The following NCKAP5 variants were observed in gnomAD, a reference collection of about 807,000 sequenced individuals.
The protein encoded by NCKAP5 is NCK associated protein 5.
A neutral mutation model predicts 167.0 loss-of-function variants in NCKAP5; 92 were observed. The observed-to-expected ratio is 0.55, with a 90% CI of 0.47 to 0.66. The LOEUF (loss-of-function observed/expected upper bound fraction) is 0.66, where lower values mean the gene tolerates loss of function less well. Ranked by LOEUF, NCKAP5 falls within the 30% of genes least tolerant of loss-of-function variation. The pLI is 0.00. For missense variants in NCKAP5, 2,378 were observed against 2,315.0 expected (o/e 1.03, Z -0.56); for synonymous variants, 891 against 877.4 (o/e 1.02, Z -0.27).
intron 8 of NCKAP5, among the ~76,000 whole-genome samples, chr2:132,888,627 G>A (rs555785229): frequency 1.2e-3 from 184 of 152,234 alleles, no homozygotes; most frequent in South Asian, 2.7e-3. Flanking sequence ...CTGACCTCAA[G>A]TGATCCACCC....
intron 6 of NCKAP5, among the ~76,000 whole-genome samples, chr2:133,100,857 G>A (rs890180249): frequency 6.6e-6 from 1 of 152,018 alleles, no homozygotes; most frequent in African/African-American, 2.4e-5. Context: ...TTTTGTTGAC[G>A]TTTGTATTCT....
chr2:132,765,504 G>A (rs1431023581), intron 16 of NCKAP5, among the ~76,000 whole-genome samples: 1 of 151,814 alleles, frequency 6.6e-6, no homozygotes, highest in African/African-American at 2.4e-5. Context: ...TGGTAGAGAT[G>A]GGGTTTCATC....
intron 4 of NCKAP5, among the ~76,000 whole-genome samples, chr2:133,264,506 C>CG (rs1235859654): frequency 1.3e-5 from 2 of 152,172 alleles, no homozygotes; most frequent in Non-Finnish European, 2.9e-5. Context: ...TTCCCACCCC[C>CG]GGGGGCCTAC....
upstream of NCKAP5, among the ~76,000 whole-genome samples, chr2:133,568,750 T>C (rs1033579145): frequency 2.6e-5 from 4 of 152,170 alleles, no homozygotes; most frequent in East Asian, 3.9e-4. Context: ...GAGGAAAAGT[T>C]TGAAGTGCCA....
intron 8 of NCKAP5, among the ~76,000 whole-genome samples, chr2:132,951,487 G>A (rs971633477): frequency 1.3e-5 from 2 of 152,006 alleles, no homozygotes; most frequent in Non-Finnish European, 1.5e-5. Context: ...GTCCTTTATC[G>A]GACTTGGGTC....
Position 133,482,495 on chromosome 2 carries a change from G to A in NCKAP5, c.69+34963C>T, listed in dbSNP as rs144001132. On this transcript the variant is annotated intron_variant, in intron 3 of 19. Coordinates refer to ENST00000409261, the MANE Select transcript of NCKAP5 (RefSeq NM_207363.3). ...GGCCTCCCAGTGTCCTAGGATTACA[G>A]GTATGAGCCATTCATCTGGCCCCAA... 1.7e-3 allele frequency among the ~76,000 whole-genome samples: 257 copies of A among 152,224 alleles called. 4 individuals are homozygous for A. The highest frequency in any genetic ancestry group is 6.0e-3 in the African/African-American group (248 of 41,536).
At chr2:133,114,558 A>G (rs1055317477) in intron 6 of NCKAP5, among the ~76,000 whole-genome samples, 1 of 152,192 alleles carries the variant, frequency 6.6e-6, no homozygotes, top group African/African-American at 2.4e-5. Context: ...AAATATTCCA[A>G]CCATATCTTC....
At chr2:133,067,102 T>C (rs1371787140) in intron 6 of NCKAP5, among the ~76,000 whole-genome samples, 1 of 152,168 alleles carries the variant, frequency 6.6e-6, no homozygotes, top group Non-Finnish European at 1.5e-5. Flanking sequence ...CCTGACTTCA[T>C]GATCCTCCCG....
intron 8 of NCKAP5, among the ~76,000 whole-genome samples, chr2:132,901,910 G>A (rs1225961467): frequency 6.6e-6 from 1 of 152,150 alleles, no homozygotes; most frequent in Non-Finnish European, 1.5e-5. Flanking sequence ...GTGTTTGAGG[G>A]CACAGATAAG....
intron 6 of NCKAP5, among the ~76,000 whole-genome samples, chr2:133,046,353 C>A (rs2079398504): frequency 6.6e-6 from 1 of 151,952 alleles, no homozygotes; most frequent in Admixed American, 6.6e-5. Flanking sequence ...AAAGGAGAGT[C>A]CCTCCAATTC....
At chr2:133,393,193 T>A (rs534573011) in intron 3 of NCKAP5, among the ~76,000 whole-genome samples, 58 of 152,338 alleles carry the variant, frequency 3.8e-4, no homozygotes, top group African/African-American at 1.3e-3. Flanking sequence ...TATGCTTATT[T>A]TATCAGAGAT....
the NCKAP5 span, among the ~76,000 whole-genome samples, chr2:133,619,426 C>T: frequency 0.5 from 75,195 of 151,566 alleles, 20,645 homozygotes; most frequent in Middle Eastern, 0.72. Context: ...CAAGGATACA[C>T]TTAGATAAAT....
chr2:133,054,065 G>C (rs890723391), intron 6 of NCKAP5, among the ~76,000 whole-genome samples: 3 of 152,136 alleles, frequency 2.0e-5, no homozygotes, highest in Non-Finnish European at 1.5e-5. Flanking sequence ...TCAGTATCAA[G>C]GAAGATGGCA....
chr2:132,705,048 A>G (rs1371241442), intron 19 of NCKAP5, among the ~76,000 whole-genome samples: 1 of 152,150 alleles, frequency 6.6e-6, no homozygotes, highest in Non-Finnish European at 1.5e-5. Flanking sequence ...ATCTCTCAGG[A>G]TAGAAGAAAT....
At chr2:132,712,715 A>G (rs1210474907) in intron 19 of NCKAP5, among the ~76,000 whole-genome samples, 1 of 152,190 alleles carries the variant, frequency 6.6e-6, no homozygotes, top group Non-Finnish European at 1.5e-5. Flanking sequence ...CAGTCCATTC[A>G]TTCACCCAGC....
chr2:133,300,143 A>G (rs2150557731), intron 4 of NCKAP5, among the ~76,000 whole-genome samples: 1 of 125,638 alleles, frequency 8.0e-6, no homozygotes, highest in Admixed American at 8.0e-5. Flanking sequence ...TCAATAGTTT[A>G]CCAACCAAAA....
intron 16 of NCKAP5, among the ~76,000 whole-genome samples, chr2:132,746,069 G>A (rs141628894): frequency 7.2e-5 from 11 of 151,876 alleles, no homozygotes; most frequent in East Asian, 1.9e-4. Flanking sequence ...AAAAAAAGAC[G>A]TTGACACATT....
At chr2:133,527,942 G>A (rs1685059248) in intron 2 of NCKAP5, among the ~76,000 whole-genome samples, 1 of 152,128 alleles carries the variant, frequency 6.6e-6, no homozygotes, top group South Asian at 2.1e-4. Flanking sequence ...GCACGTGCTT[G>A]TAGTCTCAGC....
At chr2:132,792,834 C>T (rs989272530) in intron 12 of NCKAP5, among the ~76,000 whole-genome samples, 1 of 152,154 alleles carries the variant, frequency 6.6e-6, no homozygotes, top group Non-Finnish European at 1.5e-5. Context: ...AACTCAATTC[C>T]CAGGTCTCTT....
Sources: gnomAD v4.1 joint callset for allele counts (sites outside exome capture counted in the v4.1 genomes callset) on GRCh38, gnomAD v4.1.1 for gene constraint, MANE v1.5 for transcripts, NCBI Gene and HGNC (gene_info 2026-07-23, HGNC 2026-07-21) for gene names.